RMND5B: variants seen among roughly 807,000 people sequenced by gnomAD.
RMND5B encodes required for meiotic nuclear division 5 homolog B.
Under a neutral mutation model 50.4 loss-of-function variants are expected in RMND5B, and 42 were observed. The ratio of observed to expected loss-of-function variants is 0.83; its 90% CI spans 0.65 to 1.08. RMND5B has a LOEUF of 1.08. RMND5B is among the 50% of genes least tolerant of loss of function. The probability of loss-of-function intolerance (pLI) is 0.00; values close to 1 mark genes in which losing one functional copy is unlikely to be tolerated. For missense variants in RMND5B, 463 were observed against 508.5 expected (o/e 0.91, Z 0.86); for synonymous variants, 220 against 210.0 (o/e 1.05, Z -0.41).
rs983735312 is a variant in RMND5B at position 178,150,490 on chromosome 5, C to A, written c.*2458C>A. 7 of 360,006 alleles carry A rather than the reference C, an allele frequency of 1.9e-5. No homozygotes were observed. Among genetic ancestry groups the A allele is most frequent in the African/African-American group, 1.5e-4 (7 of 46,904 alleles). 22.3% of individuals were successfully genotyped at this position (360,006 alleles called of 1,614,324 possible). A position where few individuals can be genotyped will look rare whatever the true frequency, so the allele number is the denominator to read the frequency against. ...TGAACTCCTGGGTTCAAGTGATCTC[C>A]TGCTTTAGCCTCCCAAGTGGCTGGG... On this transcript the variant is annotated 3_prime_UTR_variant, in exon 11 of 11. Coordinates refer to ENST00000313386, the MANE Select transcript of RMND5B (RefSeq NM_022762.5).
chr5:178,138,333 A>AG lies in RMND5B; in HGVS notation c.139+78dup, dbSNP rs1758729982. 4 of 1,559,828 alleles carry AG rather than the reference A, an allele frequency of 2.6e-6. No individual in the cohort carries two copies. Among genetic ancestry groups the AG allele is most frequent in the Non-Finnish European group, 3.5e-6 (4 of 1,152,770 alleles). On this transcript the variant is annotated intron_variant, in intron 3 of 10. Transcript: ENST00000313386. This position sits in a 1 kb window ranked among gnomAD's most constrained non-coding sequence, Gnocchi z 5.1. The stretch of plus-strand genomic sequence containing the variant: ...GGGAGACCCGAAGCTACTGAGTGAC[A>AG]GGGTTCCGGAAGGACGATGATGAGG...
chr5:178,140,536 A>T (rs1340888332), intron 3 of RMND5B, among the ~76,000 whole-genome samples: 1 of 151,842 alleles, frequency 6.6e-6, no homozygotes, highest in Non-Finnish European at 1.5e-5. Context: ...TAAACTTCCT[A>T]ATTTTTCTTT....
Position 178,150,149 on chromosome 5 carries a change from A to C in RMND5B, c.*2117A>C. 1 of 297,816 alleles carries C rather than the reference A, an allele frequency of 3.4e-6. No individual in the cohort carries two copies. Among genetic ancestry groups the C allele is most frequent in the East Asian group, 8.6e-5 (1 of 11,606 alleles). 18.4% of individuals were successfully genotyped at this position (297,816 alleles called of 1,614,324 possible). A position where few individuals can be genotyped will look rare whatever the true frequency, so the allele number is the denominator to read the frequency against. ...GATCTGGCCCCTGTTACGTAAGATA[A>C]GGACAGCTACAGGTCCCTCTGAGCC... On this transcript the variant is annotated 3_prime_UTR_variant, in exon 11 of 11. Coordinates refer to ENST00000313386, the MANE Select transcript of RMND5B (RefSeq NM_022762.5).
At chr5:178,134,193 C>T (rs147064493) in intron 2 of RMND5B, among the ~76,000 whole-genome samples, 40 of 152,238 alleles carry the variant, frequency 2.6e-4, no homozygotes, top group Non-Finnish European at 4.4e-4. Flanking sequence ...TGTGGTGTGG[C>T]CACTCTTGCC....
chr5:178,138,290 C>G lies in RMND5B; in HGVS notation c.139+32C>G, dbSNP rs374794648. 3.7e-5 allele frequency: 60 copies of G among 1,608,912 alleles called. No homozygotes were observed. The highest frequency in any genetic ancestry group is 1.6e-4 in the Middle Eastern group (1 of 6,076). ...GGCCACCCTTGCAAGTGCCCTGCGA[C>G]AGCCTCCCTGAGGACATGGGAGACC... On this transcript the variant is annotated intron_variant, in intron 3 of 10. Coordinates refer to ENST00000313386, the MANE Select transcript of RMND5B (RefSeq NM_022762.5). This position sits in a 1 kb window ranked among gnomAD's most constrained non-coding sequence, Gnocchi z 5.1.
chr5:178,142,317 GATC>G, intron 3 of RMND5B: 2 of 457,182 alleles, frequency 4.4e-6, no homozygotes, highest in Non-Finnish European at 7.9e-6. Flanking sequence ...GTAAGTGCCA[GATC>G]ATCTTCATTT....
At chr5:178,132,735 CTCTT>C (rs1168268275) in intron 2 of RMND5B, among the ~76,000 whole-genome samples, 1 of 13,764 alleles carries the variant, frequency 7.3e-5, no homozygotes, top group Non-Finnish European at 1.4e-4. Context: ...CCCTGTCTCT[CTCTT>C]TTTTTTTTTT....
In RMND5B at chr5:178,146,263, TC is replaced by T. The variant is rs35216626; in HGVS notation, c.850del (p.Ser285AlafsTer14). 1.2e-6 allele frequency: 2 copies of T among 1,613,366 alleles called. No homozygotes were observed. The highest frequency in any genetic ancestry group is 1.7e-6 in the Non-Finnish European group (2 of 1,179,814). On this transcript the variant is annotated frameshift_variant, in exon 8 of 11. Transcript: ENST00000313386. LOFTEE classifies it high-confidence loss of function. The stretch of plus-strand genomic sequence containing the variant: ...TTCCCTGCTGGGGCTTTCTGTGGAG[TC>T]CCCCCTTAGCGTCAGGTACAACCCA... ...ACSLLGLSVE[S>X]PLSVSFASGC...
rs781624723 is a variant in RMND5B, at chr5:178,147,924, C to G, written c.1118+41C>G. 1.9e-6 allele frequency: 3 copies of G among 1,613,990 alleles called. No homozygotes were observed. In the African/African-American group the frequency reaches 4.0e-5, roughly 22 times the overall value. On this transcript the variant is annotated intron_variant, in intron 10 of 10. Transcript: ENST00000313386. ...TCTACTCCACCTTGGCTTGGCTCTC[C>G]TACTGGCCACCCCTGAGACGTTCTC...
intron 6 of RMND5B, 35 bp downstream of exon 6, chr5:178,143,762 G>A (rs1231763422): frequency 1.3e-6 from 2 of 1,526,088 alleles, no homozygotes; most frequent in Non-Finnish European, 1.8e-6. Context: ...GCAGCATTCT[G>A]CTTCGACCTC....
Position 178,148,299 on chromosome 5 carries a change from T to C in RMND5B, c.*267T>C, listed in dbSNP as rs1249693129. 1.3e-5 allele frequency: 7 copies of C among 539,534 alleles called. No individual in the cohort carries two copies. In the East Asian group the frequency reaches 2.3e-4, roughly 17 times the overall value. The allele number at this position is 539,534 out of a possible 1,614,324, so 33.4% of individuals were successfully genotyped here. A position where few individuals can be genotyped will look rare whatever the true frequency, so the allele number is the denominator to read the frequency against. ...TGTCTTTTCCTGTTTCTGTTTGCGT[T>C]TGACTTAGTAGCAACCGACAGAGTG... On this transcript the variant is annotated 3_prime_UTR_variant, in exon 11 of 11. Transcript: ENST00000313386.
chr5:178,140,193 A>G (rs1758842284), intron 3 of RMND5B, among the ~76,000 whole-genome samples: 1 of 151,892 alleles, frequency 6.6e-6, no homozygotes, highest in East Asian at 1.9e-4. Flanking sequence ...TTTATTTTGG[A>G]GACAAGTTCT....
chr5:178,134,233 G>C (rs1328919718), intron 2 of RMND5B, among the ~76,000 whole-genome samples: 1 of 152,232 alleles, frequency 6.6e-6, no homozygotes, highest in African/African-American at 2.4e-5. Flanking sequence ...GAGGCAGGGA[G>C]ATTTCACTGA....
rs752392440 is a variant in RMND5B, at chr5:178,146,130, G to A, written c.711G>A (p.Met237Ile). Residue 237 changes from methionine (M) to isoleucine (I), a missense_variant, in exon 8 of 11, where the codon ATG (methionine) becomes ATA (isoleucine). Coordinates refer to ENST00000313386, the MANE Select transcript of RMND5B (RefSeq NM_022762.5). The stretch of plus-strand genomic sequence containing the variant: ...GCCTTGTAGAGATCCAGGTGATGAT[G>A]GGCAGCCTGGTGTACCTGCGGCTGG... Reference protein sequence around the residue: ...RLHQREIQVMMGSLVYLRLGL... With the variant: ...RLHQREIQVMIGSLVYLRLGL... 2 of 1,614,090 alleles carry A rather than the reference G, an allele frequency of 1.2e-6. No homozygotes were observed. The highest frequency in any genetic ancestry group is 1.7e-6 in the Non-Finnish European group (2 of 1,180,002).
intron 3 of RMND5B, chr5:178,142,305 T>A: frequency 2.4e-6 from 1 of 416,968 alleles, no homozygotes; most frequent in South Asian, 3.2e-5. Context: ...ACTTGACCCA[T>A]AGTAAGTGCC....
rs1387212831 is a variant in RMND5B, at chr5:178,137,972, T to A, written c.-12-136T>A. On this transcript the variant is annotated intron_variant, in intron 2 of 10. Coordinates refer to ENST00000313386, the MANE Select transcript of RMND5B (RefSeq NM_022762.5). The surrounding 1 kb of genome is among the most constrained non-coding windows in gnomAD (Gnocchi z 4.4). ...GCTTACCAAAACATAGGTACATATATACATATATGTACAAAACATATAACA... is the reference window on the plus strand; with the variant it reads ...GCTTACCAAAACATAGGTACATATAAACATATATGTACAAAACATATAACA... 4 of 785,794 alleles carry A rather than the reference T, an allele frequency of 5.1e-6. No individual in the cohort carries two copies. The East Asian group carries it at 1.1e-4, about 22-fold the overall frequency. The allele number at this position is 785,794 out of a possible 1,614,324, so 48.7% of individuals were successfully genotyped here.
rs1000963791 is a variant in RMND5B at position 178,137,206 on chromosome 5, G to A, written c.-12-902G>A. Among the ~76,000 whole-genome samples the A allele has an allele frequency of 2.6e-5, 4 of 152,062 alleles. No homozygotes were observed. The East Asian group carries it at 7.7e-4, about 29-fold the overall frequency. The stretch of plus-strand genomic sequence containing the variant: ...CAGCAAGGGTTCTGTGCCTGTCCTC[G>A]GGTGTGCGGCGGGTGAGGGTGAGGC... On this transcript the variant is annotated intron_variant, in intron 2 of 10. Coordinates refer to ENST00000313386, the MANE Select transcript of RMND5B (RefSeq NM_022762.5). This position sits in a 1 kb window ranked among gnomAD's most constrained non-coding sequence, Gnocchi z 4.4.
In RMND5B at chr5:178,149,426, A is replaced by AGCT; in HGVS notation, c.*1401_*1403dup. 2.6e-6 allele frequency: 1 copy of AGCT among 381,722 alleles called. No individual in the cohort carries two copies. The highest frequency in any genetic ancestry group is 5.0e-6 in the Non-Finnish European group (1 of 199,614). 23.6% of individuals were successfully genotyped at this position (381,722 alleles called of 1,614,324 possible). On this transcript the variant is annotated 3_prime_UTR_variant, in exon 11 of 11. Coordinates refer to ENST00000313386, the MANE Select transcript of RMND5B (RefSeq NM_022762.5). ...CCACCAACTCGCTGGCCCAACCAGC[A>AGCT]GCTGCTGCTTAAGAAAACACCCACA... is the stretch of plus-strand genomic sequence containing the variant.
rs543025508 is a variant in RMND5B at position 178,147,890 on chromosome 5, T to C, written c.1118+7T>C. 2.2e-5 allele frequency: 35 copies of C among 1,613,976 alleles called. No homozygotes were observed. In the East Asian group the frequency reaches 7.4e-4, roughly 34 times the overall value. On this transcript the variant is annotated splice_region_variant and intron_variant, in intron 10 of 10. Transcript: ENST00000313386. ...AGCTCATTAATGGAGGAAAGTAAGT[T>C]CCCCGTGCTCTACTCCACCTTGGCT...
Sources: allele counts gnomAD v4.1 joint callset (sites outside exome capture counted in the v4.1 genomes callset), GRCh38; gene constraint gnomAD v4.1.1; non-coding constraint Gnocchi (gnomAD v3.1); transcripts MANE v1.5; gene names NCBI Gene and HGNC (gene_info 2026-07-23, HGNC 2026-07-21).